The following DCAF16 variants were observed in gnomAD, a reference collection of about 807,000 sequenced individuals.
DCAF16 encodes the protein DDB1 and CUL4 associated factor 16, also known as DDB1- and CUL4-associated factor 16.
Under a neutral mutation model 17.3 loss-of-function variants are expected in DCAF16, and 10 were observed. That is an observed-to-expected ratio of 0.58 (90% CI 0.36 to 0.98). The LOEUF (loss-of-function observed/expected upper bound fraction) is 0.98. DCAF16 is among the 50% of genes least tolerant of loss of function. The pLI is 0.01. For synonymous variants in DCAF16, 111 were observed against 92.8 expected, an observed-to-expected ratio of 1.20 and a Z score of -1.12; for missense variants, 249 against 247.6, an observed-to-expected ratio of 1.01 and a Z score of -0.04.
In DCAF16 at chr4:17,807,095, T is replaced by A. The variant is rs182888260; in HGVS notation, c.-749-1870A>T. 2.6e-5 allele frequency among the ~76,000 whole-genome samples: 4 copies of A among 152,306 alleles called. No homozygotes were observed. The East Asian group carries it at 7.7e-4, about 29-fold the overall frequency. On this transcript the variant is annotated intron_variant, in intron 1 of 2. Coordinates refer to ENST00000382247, the MANE Select transcript of DCAF16 (RefSeq NM_017741.4). The stretch of plus-strand genomic sequence containing the variant: ...AATGACATGTATAAGGGAGGATTCA[T>A]GATGGATTAAAGACCTAAATGGGGA...
downstream of DCAF16, among the ~76,000 whole-genome samples, chr4:17,799,920 T>C (rs1719619492): frequency 6.6e-6 from 1 of 151,842 alleles, no homozygotes; most frequent in Non-Finnish European, 1.5e-5. Context: ...GAGGCTGAGG[T>C]GGGTGGATCA....
chr4:17,807,630 T>C (rs1484580499), intron 1 of DCAF16, among the ~76,000 whole-genome samples: 1 of 152,220 alleles, frequency 6.6e-6, no homozygotes, highest in East Asian at 1.9e-4. Flanking sequence ...ACCCTGAAGC[T>C]ACATCTGTGA....
downstream of DCAF16, among the ~76,000 whole-genome samples, chr4:17,798,615 T>C (rs1029110309): frequency 2.0e-5 from 3 of 151,820 alleles, no homozygotes; most frequent in African/African-American, 7.3e-5. Flanking sequence ...AAAATAATAA[T>C]AATAATAAAA....
At chr4:17,793,748 T>C in the DCAF16 span, among the ~76,000 whole-genome samples, 1 of 152,152 alleles carries the variant, frequency 6.6e-6, no homozygotes, top group Non-Finnish European at 1.5e-5. Context: ...TTGATCTGAG[T>C]GTATACATTT....
At chr4:17,798,877 A>G (rs1260362960), downstream of DCAF16, among the ~76,000 whole-genome samples, 1 of 152,194 alleles carries the variant, frequency 6.6e-6, no homozygotes, top group African/African-American at 2.4e-5. Context: ...GAGACACATC[A>G]TAGACATTTT....
downstream of DCAF16, among the ~76,000 whole-genome samples, chr4:17,800,248 T>C (rs1719645565): frequency 6.6e-6 from 1 of 152,208 alleles, no homozygotes; most frequent in Admixed American, 6.5e-5. Context: ...TGATAAATAT[T>C]TCTATAAATA....
rs1274974114 is a variant in DCAF16, at chr4:17,803,800, G to C, written c.342C>G (p.Pro114=). The change falls in exon 3 of 3, where the codon CCC becomes CCG. Residue 114 remains proline, a synonymous_variant. Coordinates refer to ENST00000382247, the MANE Select transcript of DCAF16 (RefSeq NM_017741.4). ...VPKLEPIPEW[P]PLASCGVPPF... ...GTGGGACTCCACAAGAGGCCAGAGG[G>C]GGCCATTCAGGAATTGGTTCCAGTT... 5.6e-6 allele frequency: 9 copies of C among 1,614,080 alleles called. No homozygotes were observed. Among genetic ancestry groups the C allele is most frequent in the Non-Finnish European group, 6.8e-6 (8 of 1,180,040 alleles).
intron 1 of DCAF16, among the ~76,000 whole-genome samples, chr4:17,806,796 A>G (rs1316271970): frequency 6.6e-6 from 1 of 152,226 alleles, no homozygotes; most frequent in Non-Finnish European, 1.5e-5. Flanking sequence ...AGTCACAGAC[A>G]TTAAAATAAG....
chr4:17,806,840 T>C (rs909005091), intron 1 of DCAF16, among the ~76,000 whole-genome samples: 4 of 152,114 alleles, frequency 2.6e-5, no homozygotes, highest in South Asian at 4.1e-4. Context: ...AATAGTCCAA[T>C]AGAGCAGAAT....
chr4:17,799,288 ATG>A (rs1481582843), downstream of DCAF16, among the ~76,000 whole-genome samples: 3 of 152,188 alleles, frequency 2.0e-5, no homozygotes, highest in Non-Finnish European at 4.4e-5. Context: ...TATTTTCAAT[ATG>A]TGAAGGGCCA....
the DCAF16 span, among the ~76,000 whole-genome samples, chr4:17,794,625 C>G: frequency 6.6e-6 from 1 of 152,078 alleles, no homozygotes; most frequent in Non-Finnish European, 1.5e-5. Context: ...AAATCAAATA[C>G]GAAAACAAAT....
At chr4:17,798,654 C>G (rs909495560), downstream of DCAF16, among the ~76,000 whole-genome samples, 5 of 152,094 alleles carry the variant, frequency 3.3e-5, no homozygotes, top group Non-Finnish European at 7.4e-5. Context: ...TTCCAGAGCT[C>G]ATTGAGAATA....
Position 17,803,222 on chromosome 4 carries a change from A to G in DCAF16, c.*269T>C. The G allele has an allele frequency of 2.4e-6, 1 of 412,524 alleles. No individual in the cohort carries two copies. 25.6% of individuals were successfully genotyped at this position (412,524 alleles called of 1,614,324 possible). A position where few individuals can be genotyped will look rare whatever the true frequency, so the allele number is the denominator to read the frequency against. ...TTATTTTTAGTAGAGACAGGGTTTC[A>G]CTGTGTTGGCAAGGCTGGTCTCAAA... On this transcript the variant is annotated 3_prime_UTR_variant, in exon 3 of 3. Coordinates refer to ENST00000382247, the MANE Select transcript of DCAF16 (RefSeq NM_017741.4).
chr4:17,806,405 TTAACTTTTATACCAGCAATAC>T (rs371226911), intron 1 of DCAF16, among the ~76,000 whole-genome samples: 90 of 152,276 alleles, frequency 5.9e-4, no homozygotes, highest in Non-Finnish European at 1.0e-3. Flanking sequence ...TCAGGCACTG[TTAACTTTTATACCAGCAATAC>T]TAACTTTTAT....
downstream of DCAF16, among the ~76,000 whole-genome samples, chr4:17,799,887 T>C (rs1448158024): frequency 6.6e-6 from 1 of 152,114 alleles, no homozygotes; most frequent in African/African-American, 2.4e-5. Flanking sequence ...CGGTGGCTCA[T>C]GCCTGTAATC....
Position 17,803,658 on chromosome 4 carries a change from T to A in DCAF16, c.484A>T (p.Ile162Leu). 1 of 1,614,220 alleles carries A rather than the reference T, an allele frequency of 6.2e-7. No homozygotes were observed. Among genetic ancestry groups the A allele is most frequent in the Non-Finnish European group, 8.5e-7 (1 of 1,180,038 alleles). ...LSRTLSRATP[I>L]PEYLKQIPNS... ...GGGATCTGTTTTAGGTATTCAGGTA[T>A]GGGAGTGGCTCTACTCAATGTTCGG... Residue 162 changes from isoleucine to leucine, a missense_variant, in exon 3 of 3, where the codon ATA becomes TTA. Physicochemically the swap from Ile to Leu is conservative, Grantham distance 5 (BLOSUM62 2). Coordinates refer to ENST00000382247, the MANE Select transcript of DCAF16 (RefSeq NM_017741.4).
At chr4:17,796,347 A>AT (rs148186730), downstream of DCAF16, among the ~76,000 whole-genome samples, 21,033 of 151,826 alleles carry the variant, frequency 0.14, 1,593 homozygotes, top group South Asian at 0.23. Flanking sequence ...CCTATCGAGT[A>AT]TTTTTTGTTT....
the DCAF16 span, among the ~76,000 whole-genome samples, chr4:17,793,687 G>A: frequency 5.3e-5 from 8 of 152,130 alleles, no homozygotes; most frequent in South Asian, 2.1e-4. Flanking sequence ...TTATTTCTGC[G>A]AGATGTATAG....
At chr4:17,800,558 G>C (rs924164762), downstream of DCAF16, 7 of 152,656 alleles carry the variant, frequency 4.6e-5, no homozygotes, top group Non-Finnish European at 1.5e-5. Context: ...TTCAGGTACT[G>C]TATCTATTAA....
Sources: allele counts gnomAD v4.1 joint callset (sites outside exome capture counted in the v4.1 genomes callset), GRCh38; gene constraint gnomAD v4.1.1; transcripts MANE v1.5; gene names NCBI Gene and HGNC (gene_info 2026-07-23, HGNC 2026-07-21).